The following DCUN1D4 variants were observed in gnomAD, a reference collection of about 807,000 sequenced individuals.
DCUN1D4 encodes the protein defective in cullin neddylation 1 domain containing 4.
Under a neutral mutation model 47.9 loss-of-function variants are expected in DCUN1D4, and 22 were observed. The observed-to-expected ratio is 0.46, with a 90% CI of 0.33 to 0.66. The LOEUF is 0.66. Among genes scored for constraint, DCUN1D4 ranks in the 30% least tolerant of loss-of-function variants. DCUN1D4 has a pLI of 0.02. For missense variants in DCUN1D4, 301 were observed against 340.8 expected, an observed-to-expected ratio of 0.88 and a Z score of 0.92; for synonymous variants, 121 against 112.2, an observed-to-expected ratio of 1.08 and a Z score of -0.50.
chr4:51,908,563 A>G (rs772981508), intron 8 of DCUN1D4, among the ~76,000 whole-genome samples: 3 of 151,744 alleles, frequency 2.0e-5, no homozygotes, highest in African/African-American at 7.3e-5. Flanking sequence ...GAGCTTTTGG[A>G]TGTCTTTACT....
At chr4:51,903,813 A>G (rs2110112774) in intron 8 of DCUN1D4, among the ~76,000 whole-genome samples, 1 of 151,984 alleles carries the variant, frequency 6.6e-6, no homozygotes, top group South Asian at 2.1e-4. Flanking sequence ...TATATTTTTC[A>G]TCTTTAAAAG....
At chr4:51,905,478 G>GT (rs372078203) in intron 8 of DCUN1D4, among the ~76,000 whole-genome samples, 42 of 152,196 alleles carry the variant, frequency 2.8e-4, no homozygotes, top group African/African-American at 1.0e-3. Context: ...TATGCATAGG[G>GT]TTTTTTGCCC....
At chr4:51,880,381 G>T (rs1158032882) in intron 5 of DCUN1D4, among the ~76,000 whole-genome samples, 1 of 152,186 alleles carries the variant, frequency 6.6e-6, no homozygotes, top group Admixed American at 6.5e-5. Flanking sequence ...GATAAATGCT[G>T]ACTCCCTGCC....
intron 3 of DCUN1D4, among the ~76,000 whole-genome samples, chr4:51,868,599 A>T (rs1321464889): frequency 6.6e-6 from 1 of 152,308 alleles, no homozygotes; most frequent in East Asian, 1.9e-4. Context: ...GAAATAGTTG[A>T]GTCATTGTAG....
the DCUN1D4 span, among the ~76,000 whole-genome samples, chr4:51,836,123 A>G: frequency 6.6e-6 from 1 of 152,194 alleles, no homozygotes; most frequent in African/African-American, 2.4e-5. Flanking sequence ...ACTGAGAGCC[A>G]TGGATTGTTC....
intron 6 of DCUN1D4, chr4:51,887,263 G>A: frequency 2.9e-6 from 1 of 339,980 alleles, no homozygotes; most frequent in African/African-American, 2.2e-5. Context: ...CACCATGCTT[G>A]GCTAATGTTT....
At chr4:51,908,069 T>C (rs1197294699) in intron 8 of DCUN1D4, among the ~76,000 whole-genome samples, 2 of 152,220 alleles carry the variant, frequency 1.3e-5, no homozygotes, top group East Asian at 1.9e-4. Flanking sequence ...ATTTATTCCA[T>C]TTATAAAATA....
intron 6 of DCUN1D4, 80 bp from the exon 7 acceptor site, chr4:51,891,680 T>C: frequency 9.0e-7 from 1 of 1,105,304 alleles, no homozygotes; most frequent in Non-Finnish European, 1.3e-6. Flanking sequence ...AACGTTAATG[T>C]ATTAATGACA....
chr4:51,843,009 C>T, upstream of DCUN1D4: 1 of 1,308,718 alleles, frequency 7.6e-7, no homozygotes, highest in East Asian at 3.1e-5. Flanking sequence ...CAGTGGGGGG[C>T]GGGGCCTCGT....
At chr4:51,845,185 A>G (rs1232152753) in intron 1 of DCUN1D4, 2 of 985,378 alleles carry the variant, frequency 2.0e-6, no homozygotes, top group African/African-American at 1.7e-5. Context: ...TTTGGCATCC[A>G]GTGTGTGTAA....
upstream of DCUN1D4, among the ~76,000 whole-genome samples, chr4:51,839,137 G>C (rs988437126): frequency 2.3e-4 from 33 of 144,334 alleles, no homozygotes; most frequent in African/African-American, 8.5e-4. Flanking sequence ...GAGGGAATGA[G>C]GGAGGGAAGG....
chr4:51,875,827 A>G (rs1727586319), intron 4 of DCUN1D4, among the ~76,000 whole-genome samples: 2 of 152,174 alleles, frequency 1.3e-5, no homozygotes, highest in Admixed American at 1.3e-4. Context: ...ATTCCGTTGT[A>G]TGCTCTTGGT....
intron 9 of DCUN1D4, 38 bp downstream of exon 9, chr4:51,911,212 G>T: frequency 6.5e-7 from 1 of 1,545,532 alleles, no homozygotes; most frequent in Non-Finnish European, 8.9e-7. Flanking sequence ...ATGTTTGCTT[G>T]CTTGGAACTA....
chr4:51,886,859 C>T (rs1729559745), intron 6 of DCUN1D4: 2 of 512,564 alleles, frequency 3.9e-6, no homozygotes, highest in South Asian at 2.2e-5. Context: ...CATTTAATTT[C>T]TTGTATGTAA....
intron 8 of DCUN1D4, among the ~76,000 whole-genome samples, chr4:51,901,241 C>T (rs896963423): frequency 2.0e-5 from 3 of 152,160 alleles, no homozygotes; most frequent in Admixed American, 6.5e-5. Flanking sequence ...CCTGTGTATA[C>T]GACACAGTTG....
intron 6 of DCUN1D4, 88 bp from the exon 7 acceptor site, chr4:51,891,672 C>A (rs1372513132): frequency 5.8e-6 from 6 of 1,027,166 alleles, no homozygotes; most frequent in Non-Finnish European, 8.5e-6. Context: ...TTTAGCAAAA[C>A]GTTAATGTAT....
At chr4:51,864,258 G>C (rs1725544384) in intron 3 of DCUN1D4, among the ~76,000 whole-genome samples, 1 of 152,116 alleles carries the variant, frequency 6.6e-6, no homozygotes, top group Non-Finnish European at 1.5e-5. Context: ...GTAGACTTGG[G>C]GTGGGGCCCC....
chr4:51,900,028 TA>T (rs1731859486), intron 8 of DCUN1D4, among the ~76,000 whole-genome samples: 7 of 152,246 alleles, frequency 4.6e-5, no homozygotes, highest in Admixed American at 3.3e-4. Context: ...AAACAAAATC[TA>T]TATCCCATAC....
At chr4:51,877,696 A>C in intron 4 of DCUN1D4, 67 bp from the exon 5 acceptor site, 1 of 967,090 alleles carries the variant, frequency 1.0e-6, no homozygotes, top group Non-Finnish European at 1.6e-6. Context: ...AAAAGAATAT[A>C]AATTATCTGC....
Sources: gnomAD v4.1 joint callset for allele counts (sites outside exome capture counted in the v4.1 genomes callset) on GRCh38, gnomAD v4.1.1 for gene constraint, MANE v1.5 for transcripts, NCBI Gene and HGNC (gene_info 2026-07-23, HGNC 2026-07-21) for gene names.